Variants in RHPN2 observed in about 807,000 individuals in gnomAD.
RHPN2 encodes the protein rhophilin Rho GTPase binding protein 2, also known as rhophilin-2.
RHPN2 carries 40 observed loss-of-function variants against 79.0 expected under a neutral mutation model. That is an observed-to-expected ratio of 0.51 (90% CI 0.39 to 0.66). RHPN2 has a LOEUF of 0.66. Among genes scored for constraint, RHPN2 ranks in the 30% least tolerant of loss-of-function variants. The pLI is 0.00. For synonymous variants in RHPN2, 285 were observed against 363.5 expected (o/e 0.78, Z 2.46); for missense variants, 686 against 883.5 (o/e 0.78, Z 2.83).
At chr19:32,995,948 C>A in intron 11 of RHPN2, 78 bp downstream of exon 11, 1 of 1,425,884 alleles carries the variant, frequency 7.0e-7, no homozygotes, top group South Asian at 1.2e-5. Context: ...CGAGGGCTCG[C>A]TCAACCCCCA....
At chr19:33,011,410 C>T (rs1423269418) in intron 6 of RHPN2, among the ~76,000 whole-genome samples, 2 of 152,170 alleles carry the variant, frequency 1.3e-5, no homozygotes, top group Non-Finnish European at 2.9e-5. Flanking sequence ...CCCAGTGATA[C>T]AACGAGCAAG....
rs549470050 is a variant in RHPN2, at chr19:33,003,121, G to A, written c.761-121C>T. 6.5e-5 allele frequency: 55 copies of A among 845,632 alleles called. No individual in the cohort carries two copies. The African/African-American group carries it at 8.7e-4, about 13-fold the overall frequency. The allele number at this position is 845,632 out of a possible 1,614,324, so 52.4% of individuals were successfully genotyped here. On this transcript the variant is annotated intron_variant, in intron 7 of 14. Transcript: ENST00000254260. ...TGCCCATAATCCCAACACTTTGGGA[G>A]GCCGAAGTGAGCAGATCACTTGTAT...
intron 9 of RHPN2, among the ~76,000 whole-genome samples, chr19:33,001,443 G>T (rs1568312733): frequency 6.6e-6 from 1 of 152,092 alleles, no homozygotes; most frequent in Non-Finnish European, 1.5e-5. Flanking sequence ...TTGGGAGGCT[G>T]AATTGGGAGG....
intron 1 of RHPN2, among the ~76,000 whole-genome samples, chr19:33,054,516 A>G (rs1001124219): frequency 6.6e-6 from 1 of 152,046 alleles, no homozygotes; most frequent in African/African-American, 2.4e-5. Context: ...CTCTTGTTAC[A>G]ATCAAATGGA....
chr19:32,997,648 T>C (rs895769654), intron 10 of RHPN2, among the ~76,000 whole-genome samples: 9 of 151,774 alleles, frequency 5.9e-5, no homozygotes, highest in Admixed American at 1.3e-4. Flanking sequence ...CACCACCACA[T>C]CTGGCTAAGT....
intron 2 of RHPN2, among the ~76,000 whole-genome samples, chr19:33,032,016 CTT>C (rs34807523): frequency 3.3e-5 from 3 of 91,382 alleles, no homozygotes; most frequent in African/African-American, 9.5e-5. Flanking sequence ...CCGGGCCGGT[CTT>C]TTTTTTTTTT....
intron 3 of RHPN2, among the ~76,000 whole-genome samples, chr19:33,022,932 G>C (rs1971936190): frequency 6.6e-6 from 1 of 152,138 alleles, no homozygotes; most frequent in Non-Finnish European, 1.5e-5. Flanking sequence ...GTTTGCAGCT[G>C]TCCAGGCAAT....
In RHPN2 at chr19:32,996,084, G is replaced by A. The variant is rs142685730; in HGVS notation, c.1362C>T (p.Tyr454=). ...GGTCATCCTCCTCCTGGTGCTGGGC[G>A]TACGTGAGCCGGGAGCGTTCCTGTG... ...CAAQERSRLT[Y]AQHQEEDDLL... is the part of the protein sequence containing the mutation. The change falls in exon 11 of 15, where the codon TAC becomes TAT. Residue 454 remains tyrosine (Y), a synonymous_variant. Transcript: ENST00000254260. 259 of 1,614,022 alleles carry A rather than the reference G, an allele frequency of 1.6e-4. 2 individuals carry two copies. The Admixed American group carries it at 3.7e-3, about 23-fold the overall frequency.
chr19:33,003,160 C>A (rs1971763473), intron 7 of RHPN2, among the ~76,000 whole-genome samples, 160 bp from the exon 8 acceptor site: 1 of 151,828 alleles, frequency 6.6e-6, no homozygotes, highest in African/African-American at 2.4e-5. Context: ...GAATTCAAGA[C>A]CAGCGTGGGC....
chr19:33,003,402 A>T (rs1483243535), intron 7 of RHPN2, among the ~76,000 whole-genome samples: 2 of 151,658 alleles, frequency 1.3e-5, no homozygotes, highest in Non-Finnish European at 2.9e-5. Context: ...AGGAGAAAAA[A>T]AAAAGAACCG....
In RHPN2 at chr19:33,011,032, C is replaced by A. The variant is rs142887882; in HGVS notation, c.593+647G>T. 8.7e-3 allele frequency among the ~76,000 whole-genome samples: 1,332 copies of A among 152,260 alleles called. 19 individuals are homozygous for A. The highest frequency in any genetic ancestry group is 0.03 in the African/African-American group (1,254 of 41,536). Reference sequence around the variant, plus strand: ...CCTTTGAAAATACCAATTGGGTCTACGGCCATACCACCCTGACGTGCCTGA... The same window carrying A: ...CCTTTGAAAATACCAATTGGGTCTAAGGCCATACCACCCTGACGTGCCTGA... On this transcript the variant is annotated intron_variant, in intron 6 of 14. Transcript: ENST00000254260.
intron 2 of RHPN2, among the ~76,000 whole-genome samples, chr19:33,040,584 T>G (rs577401222): frequency 6.6e-6 from 1 of 152,156 alleles, no homozygotes; most frequent in East Asian, 1.9e-4. Context: ...CAGATAAACT[T>G]CATCATATTT....
At chr19:32,982,725 C>T (rs1971584271) in intron 14 of RHPN2, among the ~76,000 whole-genome samples, 1 of 152,076 alleles carries the variant, frequency 6.6e-6, no homozygotes, top group African/African-American at 2.4e-5. Context: ...CCCACTCGCT[C>T]ATCTCCACCC....
In RHPN2 at chr19:33,035,153, G is replaced by A. The variant is rs1001842115; in HGVS notation, c.186-8521C>T. Among the ~76,000 whole-genome samples, 5 of 151,988 alleles carry A rather than the reference G, an allele frequency of 3.3e-5. No individual in the cohort carries two copies. In the South Asian group the frequency reaches 8.3e-4, roughly 25 times the overall value. ...GCTAATTTTTTGTATTTTTACTAGA[G>A]ATGGGGTTTCACCCTGTAGGCCAGG... On this transcript the variant is annotated intron_variant, in intron 2 of 14. Transcript: ENST00000254260.
chr19:33,015,860 C>A (rs1213788975), intron 4 of RHPN2, among the ~76,000 whole-genome samples: 1 of 151,892 alleles, frequency 6.6e-6, no homozygotes, highest in Non-Finnish European at 1.5e-5. Context: ...ACCAGCCTGG[C>A]CAACAAGGTG....
In RHPN2 at chr19:32,990,801, G is replaced by A. The variant is rs545115102; in HGVS notation, c.1645-132C>T. 6.6e-4 allele frequency: 620 copies of A among 939,738 alleles called. 3 individuals are homozygous for A. The African/African-American group carries it at 9.1e-3, about 14-fold the overall frequency. The allele number at this position is 939,738 out of a possible 1,614,324, so 58.2% of individuals were successfully genotyped here. A position where few individuals can be genotyped will look rare whatever the true frequency, so the allele number is the denominator to read the frequency against. Reference sequence around the variant, plus strand: ...AAAATTCACTTTGGGTGGCTGAGACGGGTAGATCACTTGAGGTCAGTAGTT... The same window carrying A: ...AAAATTCACTTTGGGTGGCTGAGACAGGTAGATCACTTGAGGTCAGTAGTT... On this transcript the variant is annotated intron_variant, in intron 13 of 14. Transcript: ENST00000254260.
chr19:32,981,061 G>A (rs1489858906), intron 14 of RHPN2, among the ~76,000 whole-genome samples: 1 of 151,888 alleles, frequency 6.6e-6, no homozygotes, highest in Non-Finnish European at 1.5e-5. Flanking sequence ...TCCTGACCTC[G>A]TGATCCGCCC....
intron 12 of RHPN2, among the ~76,000 whole-genome samples, chr19:32,992,566 T>C (rs1263865394): frequency 6.6e-6 from 1 of 152,170 alleles, no homozygotes; most frequent in East Asian, 1.9e-4. Context: ...CTAAGCACTT[T>C]GTGTGACCAA....
chr19:33,003,489 A>G (rs1971767561), intron 7 of RHPN2, among the ~76,000 whole-genome samples: 1 of 152,030 alleles, frequency 6.6e-6, no homozygotes, highest in Non-Finnish European at 1.5e-5. Flanking sequence ...ATATATCCCC[A>G]AACAATTGAA....
Sources: allele counts gnomAD v4.1 joint callset (sites outside exome capture counted in the v4.1 genomes callset), GRCh38; gene constraint gnomAD v4.1.1; transcripts MANE v1.5; gene names NCBI Gene and HGNC (gene_info 2026-07-23, HGNC 2026-07-21).